CDH6: variants seen among roughly 807,000 people sequenced by gnomAD.
CDH6 encodes the protein cadherin 6, also known as cadherin-6.
CDH6 carries 31 observed loss-of-function variants against 78.0 expected under a neutral mutation model. The ratio of observed to expected loss-of-function variants is 0.40; its 90% CI spans 0.30 to 0.54. CDH6 has a LOEUF of 0.54. Among genes scored for constraint, CDH6 ranks in the 20% least tolerant of loss-of-function variants. The probability of loss-of-function intolerance (pLI) is 0.56; values close to 1 mark genes in which losing one functional copy is unlikely to be tolerated. For missense variants in CDH6, 724 were observed against 975.9 expected, an observed-to-expected ratio of 0.74 and a Z score of 3.44; for synonymous variants, 376 against 368.8, an observed-to-expected ratio of 1.02 and a Z score of -0.23.
intron 1 of CDH6, among the ~76,000 whole-genome samples, chr5:31,205,135 G>A (rs1372990184): frequency 6.6e-6 from 1 of 152,174 alleles, no homozygotes; most frequent in East Asian, 1.9e-4. Context: ...GTAACTGTAA[G>A]CACATAGGGA....
At chr5:31,261,547 T>C (rs1281745062) in intron 1 of CDH6, among the ~76,000 whole-genome samples, 1 of 152,150 alleles carries the variant, frequency 6.6e-6, no homozygotes, top group African/African-American at 2.4e-5. Context: ...TCATAATAGG[T>C]TGTAAAACAT....
At chr5:31,221,352 A>T (rs1740999451) in intron 1 of CDH6, among the ~76,000 whole-genome samples, 1 of 152,196 alleles carries the variant, frequency 6.6e-6, no homozygotes, top group African/African-American at 2.4e-5. Context: ...TCTTGTGCTC[A>T]ACTCACATAC....
chr5:31,287,111 G>A (rs942956282), intron 2 of CDH6, among the ~76,000 whole-genome samples: 2 of 152,092 alleles, frequency 1.3e-5, no homozygotes, highest in Non-Finnish European at 2.9e-5. Context: ...CTTCCCTGGG[G>A]TAACAGATAG....
chr5:31,312,507 C>T (rs944203558), intron 7 of CDH6, among the ~76,000 whole-genome samples: 2 of 152,106 alleles, frequency 1.3e-5, no homozygotes, highest in South Asian at 2.1e-4. Context: ...AAGACCAGCC[C>T]GGGCAAAATG....
intron 1 of CDH6, among the ~76,000 whole-genome samples, chr5:31,256,923 G>T (rs1422695261): frequency 6.6e-6 from 1 of 152,162 alleles, no homozygotes; most frequent in Non-Finnish European, 1.5e-5. Flanking sequence ...GGAATAGCTT[G>T]TCTGAGATCA....
At chr5:31,213,244 T>G (rs1196923010) in intron 1 of CDH6, among the ~76,000 whole-genome samples, 1 of 152,188 alleles carries the variant, frequency 6.6e-6, no homozygotes, top group African/African-American at 2.4e-5. Flanking sequence ...GAATTAAGGC[T>G]GCAATCCACC....
At chr5:31,279,231 T>C (rs4273619) in intron 2 of CDH6, among the ~76,000 whole-genome samples, 3,594 of 152,268 alleles carry the variant, frequency 0.024, 133 homozygotes, top group African/African-American at 0.082. Context: ...TATATTTTTA[T>C]ATACTGTACT....
rs191164745 is a variant in CDH6, at chr5:31,328,418, T to G, written c.*5110T>G. The G allele has an allele frequency of 4.9e-6, 1 of 204,024 alleles. No homozygotes were observed. The highest frequency in any genetic ancestry group is 2.3e-5 in the African/African-American group (1 of 43,704). 12.6% of individuals were successfully genotyped at this position (204,024 alleles called of 1,614,324 possible). A position where few individuals can be genotyped will look rare whatever the true frequency, so the allele number is the denominator to read the frequency against. ...AGTGTTTATTAAAGAATCAAATGTATAGAATTACCAGGCATTCGTGGGGAA... is the reference window on the plus strand; with the variant it reads ...AGTGTTTATTAAAGAATCAAATGTAGAGAATTACCAGGCATTCGTGGGGAA... On this transcript the variant is annotated 3_prime_UTR_variant, in exon 12 of 12. Coordinates refer to ENST00000265071, the MANE Select transcript of CDH6 (RefSeq NM_004932.4).
At chr5:31,210,076 T>TTGTGTGTGTGTGTGTGTGTGTGTG (rs60543109) in intron 1 of CDH6, among the ~76,000 whole-genome samples, 21 of 146,560 alleles carry the variant, frequency 1.4e-4, no homozygotes, top group South Asian at 1.1e-3. Flanking sequence ...TTTTCTTAAA[T>TTGTGTGTGTGTGTGTGTGTGTGTG]TGTGTGTGTG....
At chr5:31,272,301 T>G (rs530751314) in intron 2 of CDH6, among the ~76,000 whole-genome samples, 141 of 152,268 alleles carry the variant, frequency 9.3e-4, no homozygotes, top group Non-Finnish European at 1.6e-3. Context: ...AACAAAGAGG[T>G]ACATATTTTC....
At chr5:31,305,500 G>C in intron 7 of CDH6, 73 bp downstream of exon 7, 2 of 1,445,650 alleles carry the variant, frequency 1.4e-6, no homozygotes, top group South Asian at 1.3e-5. Context: ...GCCTGCACTT[G>C]AGAAAAGATG....
rs1737871836 is a variant in CDH6, at chr5:31,302,968, G to GAAAGAAAGAAAGAAAGA, written c.999+674_999+690dup. ...GAAAGAAAGAAAGAAGGAAAGAAAAGAAAGAAAGAAAGAAAGAAAACCAAT... is the reference window on the plus strand; with the variant it reads ...GAAAGAAAGAAAGAAGGAAAGAAAAGAAAGAAAGAAAGAAAGAAAAGAAAGAAAGAAAGAAAACCAAT... On this transcript the variant is annotated intron_variant, in intron 6 of 11. Coordinates refer to ENST00000265071, the MANE Select transcript of CDH6 (RefSeq NM_004932.4). 1.8e-3 allele frequency among the ~76,000 whole-genome samples: 217 copies of GAAAGAAAGAAAGAAAGA among 119,084 alleles called. 12 individuals are homozygous for GAAAGAAAGAAAGAAAGA. The highest frequency in any genetic ancestry group is 5.1e-3 in the East Asian group (21 of 4,152). The allele number at this position is 119,084 out of a possible 152,430, so 78.1% of individuals were successfully genotyped here. A position where few individuals can be genotyped will look rare whatever the true frequency, so the allele number is the denominator to read the frequency against.
At chr5:31,304,920 A>G (rs13357297) in intron 6 of CDH6, among the ~76,000 whole-genome samples, 1,967 of 152,074 alleles carry the variant, frequency 0.013, 47 homozygotes, top group African/African-American at 0.045. Flanking sequence ...CAGCCCATAC[A>G]TTTTTCAGGG....
intron 2 of CDH6, among the ~76,000 whole-genome samples, chr5:31,282,288 C>T (rs756302467): frequency 1.8e-4 from 27 of 152,106 alleles, no homozygotes; most frequent in Non-Finnish European, 3.5e-4. Context: ...ATCCATTTCC[C>T]GTCTTTTCCA....
chr5:31,198,082 C>T (rs1740219628), intron 1 of CDH6, among the ~76,000 whole-genome samples: 2 of 152,076 alleles, frequency 1.3e-5, no homozygotes, highest in South Asian at 4.1e-4. Flanking sequence ...AAAATTACTA[C>T]TAAATAGTTG....
At chr5:31,221,993 C>G (rs1342124028) in intron 1 of CDH6, among the ~76,000 whole-genome samples, 1 of 152,146 alleles carries the variant, frequency 6.6e-6, no homozygotes, top group Admixed American at 6.6e-5. Flanking sequence ...TTTCTCCCAG[C>G]TAGTCAGCTT....
At chr5:31,207,999 G>C (rs541915194) in intron 1 of CDH6, among the ~76,000 whole-genome samples, 3 of 152,324 alleles carry the variant, frequency 2.0e-5, no homozygotes, top group South Asian at 2.1e-4. Context: ...AGTGCATAAA[G>C]TGTATCCAGG....
chr5:31,235,236 C>CTTTTTTTTTTTTTTTTTTTTTTTTT (rs543675071), intron 1 of CDH6, among the ~76,000 whole-genome samples: 2 of 110,644 alleles, frequency 1.8e-5, no homozygotes, highest in Non-Finnish European at 3.5e-5. Flanking sequence ...ATTCCTTTTT[C>CTTTTTTTTTTTTTTTTTTTTTTTTT]TTTTTTTTTT....
chr5:31,243,401 G>C (rs539361755), intron 1 of CDH6, among the ~76,000 whole-genome samples: 7 of 152,182 alleles, frequency 4.6e-5, no homozygotes, highest in South Asian at 2.1e-4. Context: ...GGAAGCACAG[G>C]GGGTGGTTGG....
Sources: gnomAD v4.1 joint callset for allele counts (sites outside exome capture counted in the v4.1 genomes callset) on GRCh38, gnomAD v4.1.1 for gene constraint, MANE v1.5 for transcripts, NCBI Gene and HGNC (gene_info 2026-07-23, HGNC 2026-07-21) for gene names.